Variants in OSMR observed in about 807,000 individuals in gnomAD.
OSMR encodes oncostatin M receptor, also known as oncostatin-M-specific receptor subunit beta.
A neutral mutation model predicts 99.9 loss-of-function variants in OSMR; 81 were observed. The observed-to-expected ratio is 0.81, with a 90% CI of 0.68 to 0.97. The LOEUF is 0.97. OSMR is among the 50% of genes least tolerant of loss of function. The probability of loss-of-function intolerance (pLI) is 0.00; values close to 1 mark genes in which losing one functional copy is unlikely to be tolerated. For synonymous variants in OSMR, 406 were observed against 410.4 expected (o/e 0.99, Z 0.13); for missense variants, 1,099 against 1,153.4 (o/e 0.95, Z 0.68).
rs566209050 is a variant in OSMR at position 38,854,406 on chromosome 5, G to A, written c.-14+8019G>A. On this transcript the variant is annotated intron_variant, in intron 1 of 17. Transcript: ENST00000274276. Reference sequence around the variant, plus strand: ...CATTTAAAAAGTTGTGTTTTATTACGCATGTGATATTTTTCTGAGGGATTT... The same window carrying A: ...CATTTAAAAAGTTGTGTTTTATTACACATGTGATATTTTTCTGAGGGATTT... Among the ~76,000 whole-genome samples the A allele has an allele frequency of 5.9e-5, 9 of 152,244 alleles. No homozygotes were observed. The South Asian group carries it at 1.2e-3, about 21-fold the overall frequency.
intron 1 of OSMR, among the ~76,000 whole-genome samples, chr5:38,942,584 GGGAATACA>G (rs1322596782): frequency 1.3e-5 from 2 of 149,914 alleles, no homozygotes; most frequent in Non-Finnish European, 3.0e-5. Context: ...CCAAGTAGCT[GGGAATACA>G]GGCAGATGAC....
intron 10 of OSMR, 126 bp from the exon 11 acceptor site, chr5:38,918,714 A>C (rs1384009000): frequency 6.6e-6 from 10 of 1,512,342 alleles, no homozygotes; most frequent in Non-Finnish European, 8.8e-6. Flanking sequence ...TTCTCTATTA[A>C]GCTGTTTGAA....
downstream of OSMR, chr5:38,945,114 AATTCCT>A: frequency 7.5e-7 from 1 of 1,328,682 alleles, no homozygotes; most frequent in Non-Finnish European, 1.1e-6. Context: ...ATAACGGCTT[AATTCCT>A]GTGCTTACAT....
chr5:38,896,112 TAG>T (rs1744500391), intron 7 of OSMR, among the ~76,000 whole-genome samples: 1 of 152,084 alleles, frequency 6.6e-6, no homozygotes, highest in Non-Finnish European at 1.5e-5. Context: ...TCTTTCTACT[TAG>T]GATAGCTTTG....
intron 7 of OSMR, among the ~76,000 whole-genome samples, chr5:38,901,263 T>C (rs1654911229): frequency 6.6e-6 from 1 of 152,180 alleles, no homozygotes; most frequent in African/African-American, 2.4e-5. Flanking sequence ...GCCAGACCAT[T>C]GGTAGGCATA....
At chr5:38,873,447 A>G (rs1003921925) in intron 2 of OSMR, among the ~76,000 whole-genome samples, 3 of 152,314 alleles carry the variant, frequency 2.0e-5, no homozygotes, top group African/African-American at 7.2e-5. Context: ...TGGGATATCT[A>G]CTTACAAATG....
intron 7 of OSMR, among the ~76,000 whole-genome samples, chr5:38,903,361 C>G (rs1480140175): frequency 6.6e-6 from 1 of 152,204 alleles, no homozygotes; most frequent in Non-Finnish European, 1.5e-5. Flanking sequence ...CAGAAGCATC[C>G]ATCCTGGATT....
chr5:38,862,544 G>A (rs1431602286), intron 1 of OSMR, among the ~76,000 whole-genome samples: 2 of 150,318 alleles, frequency 1.3e-5, no homozygotes, highest in Non-Finnish European at 3.0e-5. Flanking sequence ...CCGGGCAGAG[G>A]GTCTCCTCAC....
intron 1 of OSMR, among the ~76,000 whole-genome samples, chr5:38,858,172 T>A (rs1561333690): frequency 6.6e-6 from 1 of 152,198 alleles, no homozygotes. Context: ...ATGTTGTTGT[T>A]AGCTATAATC....
At chr5:38,914,725 T>G (rs1335620687) in intron 9 of OSMR, among the ~76,000 whole-genome samples, 1 of 152,130 alleles carries the variant, frequency 6.6e-6, no homozygotes, top group Admixed American at 6.5e-5. Flanking sequence ...AGCGAATTAA[T>G]GCAGGAACAG....
chr5:38,940,019 C>CTTT (rs35397307), downstream of OSMR: 34 of 201,936 alleles, frequency 1.7e-4, no homozygotes, highest in East Asian at 2.2e-4. Flanking sequence ...TAAGCGTAGA[C>CTTT]TTTTTTTTTT....
At chr5:38,888,773 A>G (rs1743966063) in intron 7 of OSMR, among the ~76,000 whole-genome samples, 1 of 152,058 alleles carries the variant, frequency 6.6e-6, no homozygotes, top group Admixed American at 6.6e-5. Flanking sequence ...TTTAATGTTC[A>G]CCATTAGAGC....
chr5:38,906,010 G>A (rs901508570), intron 9 of OSMR, among the ~76,000 whole-genome samples: 1 of 152,082 alleles, frequency 6.6e-6, no homozygotes, highest in African/African-American at 2.4e-5. Context: ...CCCTGGTGGT[G>A]TCTGCCTATC....
intron 1 of OSMR, among the ~76,000 whole-genome samples, chr5:38,943,998 G>A (rs1747894821): frequency 6.6e-6 from 1 of 151,934 alleles, no homozygotes; most frequent in Admixed American, 6.6e-5. Flanking sequence ...AATTACTGAA[G>A]ACCCAAAAAA....
intron 1 of OSMR, among the ~76,000 whole-genome samples, chr5:38,864,540 G>GTTTTTTTTTT (rs33918195): frequency 4.8e-5 from 7 of 147,252 alleles, no homozygotes; most frequent in African/African-American, 7.5e-5. Flanking sequence ...CTTGCCTGAA[G>GTTTTTTTTTT]TTTTTTTTTT....
intron 1 of OSMR, among the ~76,000 whole-genome samples, chr5:38,866,616 T>G (rs13362396): frequency 0.056 from 8,499 of 152,002 alleles, 778 homozygotes; most frequent in African/African-American, 0.19. Context: ...TATTGGGTGA[T>G]GTCCGCAGGG....
At chr5:38,876,885 C>A (rs960274542) in intron 3 of OSMR, among the ~76,000 whole-genome samples, 1 of 152,136 alleles carries the variant, frequency 6.6e-6, no homozygotes, top group Non-Finnish European at 1.5e-5. Context: ...CTTCCTGTGT[C>A]CTTTGTTGCC....
In OSMR at chr5:38,935,508, AT is replaced by A. The variant is rs751421267; in HGVS notation, c.*2065del. 6 of 152,340 alleles carry A rather than the reference AT, an allele frequency of 3.9e-5. No homozygotes were observed. The East Asian group carries it at 1.2e-3, about 29-fold the overall frequency. The allele number at this position is 152,340 out of a possible 1,614,324, so 9.4% of individuals were successfully genotyped here. Reference sequence around the variant, plus strand: ...GATATTTTTCATTTGAAACTTGTTCATAAAAATGTCAATGACATTGATGACT... The same window carrying A: ...GATATTTTTCATTTGAAACTTGTTCAAAAAATGTCAATGACATTGATGACT... On this transcript the variant is annotated 3_prime_UTR_variant, in exon 18 of 18. Coordinates refer to ENST00000274276, the MANE Select transcript of OSMR (RefSeq NM_003999.3).
chr5:38,925,371 T>G lies in OSMR; in HGVS notation c.2212T>G (p.Ser738Ala). The part of the protein sequence containing the change: ...FTKVTTPDEH[S>A]SMLIHILLPM... ...GAAGGTCACGACTCCGGATGAACACTGTGAGTTTTCCCAAATCAAAGTTCT... is the reference window on the plus strand; with the variant it reads ...GAAGGTCACGACTCCGGATGAACACGGTGAGTTTTCCCAAATCAAAGTTCT... The change falls in exon 15 of 18, where the codon TCC (serine) becomes GCC (alanine). Residue 738 changes from serine to alanine, a missense_variant and splice_region_variant. Coordinates refer to ENST00000274276, the MANE Select transcript of OSMR (RefSeq NM_003999.3). The G allele has an allele frequency of 6.2e-7, 1 of 1,613,170 alleles. No homozygotes were observed. Among genetic ancestry groups the G allele is most frequent in the South Asian group, 1.1e-5 (1 of 91,074 alleles).
Sources: gnomAD v4.1 joint callset for allele counts (sites outside exome capture counted in the v4.1 genomes callset) on GRCh38, gnomAD v4.1.1 for gene constraint, MANE v1.5 for transcripts, NCBI Gene and HGNC (gene_info 2026-07-23, HGNC 2026-07-21) for gene names.